The following PRDM16 variants were observed in gnomAD, a reference collection of about 807,000 sequenced individuals.
PRDM16 encodes the protein histone-lysine N-methyltransferase PRDM16.
PRDM16 carries 23 observed loss-of-function variants against 110.6 expected under a neutral mutation model. The ratio of observed to expected loss-of-function variants is 0.21; its 90% CI spans 0.15 to 0.29. The LOEUF (loss-of-function observed/expected upper bound fraction) is 0.29. Among genes scored for constraint, PRDM16 ranks in the 10% least tolerant of loss-of-function variants. PRDM16 has a pLI of 1.00. For synonymous variants in PRDM16, 799 were observed against 781.8 expected (o/e 1.02, Z -0.37); for missense variants, 1,615 against 1,794.3 (o/e 0.90, Z 1.81).
intron 12 of PRDM16, among the ~76,000 whole-genome samples, chr1:3,422,309 A>C (rs994108296): frequency 2.6e-5 from 4 of 151,150 alleles, no homozygotes; most frequent in Admixed American, 2.0e-4. Context: ...ACAGACAGGC[A>C]GACAGACAAG....
intron 1 of PRDM16, among the ~76,000 whole-genome samples, chr1:3,172,960 CCA>C (rs1569756179): frequency 1.3e-5 from 2 of 152,190 alleles, no homozygotes; most frequent in Admixed American, 1.3e-4. Context: ...ATGTATCTGC[CCA>C]CAGTCTTTCT....
At chr1:3,130,546 C>T (rs760264956) in intron 1 of PRDM16, among the ~76,000 whole-genome samples, 1 of 152,200 alleles carries the variant, frequency 6.6e-6, no homozygotes, top group Non-Finnish European at 1.5e-5. Context: ...TAGGTTTCCT[C>T]GCTGAAACAT....
intron 2 of PRDM16, among the ~76,000 whole-genome samples, chr1:3,200,008 G>A (rs1638578776): frequency 6.6e-6 from 1 of 152,256 alleles, no homozygotes; most frequent in Non-Finnish European, 1.5e-5. Context: ...GCTGGGGAAG[G>A]GACCTCACTT....
At chr1:3,198,211 T>A (rs1569827141) in intron 2 of PRDM16, among the ~76,000 whole-genome samples, 1 of 152,110 alleles carries the variant, frequency 6.6e-6, no homozygotes, top group East Asian at 1.9e-4. Flanking sequence ...TGGGTTGCTG[T>A]GGTTGAAGGC....
chr1:3,086,457 C>T (rs539879206), intron 1 of PRDM16, among the ~76,000 whole-genome samples: 66 of 152,290 alleles, frequency 4.3e-4, no homozygotes, highest in African/African-American at 1.3e-3. Context: ...TGCTGGAAAA[C>T]GCCCGAGGTG....
intron 2 of PRDM16, among the ~76,000 whole-genome samples, chr1:3,225,975 G>T (rs1012286322): frequency 1.3e-5 from 2 of 152,248 alleles, no homozygotes; most frequent in African/African-American, 4.8e-5. Context: ...CCGTGCCTCA[G>T]CCCTTAGTGG....
chr1:3,249,700 C>CT (rs1205475341), intron 3 of PRDM16, among the ~76,000 whole-genome samples: 2 of 152,210 alleles, frequency 1.3e-5, no homozygotes, highest in African/African-American at 4.8e-5. Context: ...TAATCTCAGC[C>CT]TGAATAGACT....
intron 2 of PRDM16, among the ~76,000 whole-genome samples, chr1:3,188,016 A>G (rs1424607628): frequency 1.3e-5 from 2 of 152,168 alleles, no homozygotes; most frequent in African/African-American, 2.4e-5. Flanking sequence ...GGCCAGGGCC[A>G]GGGGCCCCAG....
At chr1:3,258,453 C>T (rs1047450553) in intron 3 of PRDM16, among the ~76,000 whole-genome samples, 4 of 152,202 alleles carry the variant, frequency 2.6e-5, no homozygotes, top group African/African-American at 9.7e-5. Context: ...TTCATTACTC[C>T]ACCTGACACC....
At chr1:3,348,438 C>G (rs1043414420) in intron 3 of PRDM16, among the ~76,000 whole-genome samples, 5 of 152,212 alleles carry the variant, frequency 3.3e-5, no homozygotes, top group Non-Finnish European at 7.3e-5. Context: ...CAGCACCATC[C>G]CCAAAATCCG....
Position 3,199,485 on chromosome 1 carries a change from G to A in PRDM16, c.387+13011G>A, listed in dbSNP as rs537435100. ...TGGCTGGCTCAGTCCTCCCCTTCCT[G>A]CCCACCCCAGGAACAAGAATCTCTA... On this transcript the variant is annotated intron_variant, in intron 2 of 16. Transcript: ENST00000270722. 5.3e-5 allele frequency among the ~76,000 whole-genome samples: 8 copies of A among 152,236 alleles called. No homozygotes were observed. The East Asian group carries it at 7.7e-4, about 15-fold the overall frequency.
chr1:3,083,919 TG>T (rs1480183058), intron 1 of PRDM16, among the ~76,000 whole-genome samples: 2 of 152,184 alleles, frequency 1.3e-5, no homozygotes, highest in African/African-American at 4.8e-5. Flanking sequence ...TTGACACAAA[TG>T]TGACTCCATG....
chr1:3,134,034 G>A (rs933113432), intron 1 of PRDM16, among the ~76,000 whole-genome samples: 4 of 152,322 alleles, frequency 2.6e-5, no homozygotes, highest in African/African-American at 7.2e-5. Flanking sequence ...GTCAGGCAGC[G>A]CGTCCAGTTC....
intron 1 of PRDM16, among the ~76,000 whole-genome samples, chr1:3,160,202 G>A (rs1423021854): frequency 6.6e-6 from 1 of 152,224 alleles, no homozygotes; most frequent in Admixed American, 6.5e-5. Context: ...GGGATCCCCG[G>A]TGAGGCCGCG....
At chr1:3,240,227 G>A (rs1228005943) in intron 2 of PRDM16, among the ~76,000 whole-genome samples, 1 of 151,458 alleles carries the variant, frequency 6.6e-6, no homozygotes, top group African/African-American at 2.4e-5. Flanking sequence ...CCCAGCCTGG[G>A]CAACATAGTG....
At chr1:3,386,446 G>A (rs996271020) in intron 4 of PRDM16, among the ~76,000 whole-genome samples, 14 of 152,320 alleles carry the variant, frequency 9.2e-5, no homozygotes, top group South Asian at 2.1e-4. Flanking sequence ...CTCATTTGCC[G>A]TCCCCTTGGC....
intron 3 of PRDM16, among the ~76,000 whole-genome samples, chr1:3,316,985 GGCCAGGAAGCAGTGACATGGGGTA>G (rs1641622888): frequency 2.0e-5 from 3 of 151,994 alleles, no homozygotes; most frequent in Admixed American, 6.5e-5. Flanking sequence ...GTCACAGGGT[GGCCAGGAAGCAGTGACATGGGGTA>G]GCCAGGAAGC....
At chr1:3,184,831 C>T (rs775667279) in intron 1 of PRDM16, among the ~76,000 whole-genome samples, 3 of 152,206 alleles carry the variant, frequency 2.0e-5, no homozygotes, top group Non-Finnish European at 2.9e-5. Flanking sequence ...CTTCCTATGC[C>T]GAGTGGTGCA....
At chr1:3,360,307 A>G (rs1376490997) in intron 3 of PRDM16, among the ~76,000 whole-genome samples, 1 of 152,164 alleles carries the variant, frequency 6.6e-6, no homozygotes, top group East Asian at 1.9e-4. Context: ...TGGATGAACA[A>G]GTCTTCTAGG....
Sources: allele counts gnomAD v4.1 joint callset (sites outside exome capture counted in the v4.1 genomes callset), GRCh38; gene constraint gnomAD v4.1.1; transcripts MANE v1.5; gene names NCBI Gene and HGNC (gene_info 2026-07-23, HGNC 2026-07-21).